The following ALPL variants were observed in gnomAD, a reference collection of about 807,000 sequenced individuals.
ALPL encodes alkaline phosphatase, tissue-nonspecific isozyme.
A neutral mutation model predicts 51.3 loss-of-function variants in ALPL; 42 were observed. The ratio of observed to expected loss-of-function variants is 0.82; its 90% confidence interval spans 0.64 to 1.06. The LOEUF is 1.06. ALPL is among the 50% of genes least tolerant of loss of function. The probability of loss-of-function intolerance (pLI) is 0.00; values close to 1 mark genes in which losing one functional copy is unlikely to be tolerated. For missense variants in ALPL, 589 were observed against 709.4 expected, an observed-to-expected ratio of 0.83 and a Z score of 1.93; for synonymous variants, 279 against 296.4, an observed-to-expected ratio of 0.94 and a Z score of 0.60.
At chr1:21,537,045 C>T (rs1200051263) in intron 1 of ALPL, among the ~76,000 whole-genome samples, 11 of 152,008 alleles carry the variant, frequency 7.2e-5, no homozygotes, top group Middle Eastern at 3.4e-3. Flanking sequence ...TATTGGCGCC[C>T]GCCACCACGC....
chr1:21,564,102 C>T lies in ALPL; in HGVS notation c.534C>T (p.Tyr178=), dbSNP rs201250289. 2.4e-4 allele frequency: 382 copies of T among 1,614,080 alleles called. 2 individuals carry two copies. In the East Asian group the frequency reaches 5.8e-3, roughly 25 times the overall value. The change falls in exon 6 of 12, where the codon TAC becomes TAT. Residue 178 remains tyrosine (Y), a synonymous_variant. Coordinates refer to ENST00000374840, the MANE Select transcript of ALPL (RefSeq NM_000478.6). This position sits in a 1 kb window ranked among gnomAD's most constrained non-coding sequence, Gnocchi z 5.8. ...RVNHATPSAA[Y]AHSADRDWYS... ...ACCATGCCACCCCCAGCGCCGCCTACGCCCACTCGGCTGACCGGGACTGGT... is the reference window on the plus strand; with the variant it reads ...ACCATGCCACCCCCAGCGCCGCCTATGCCCACTCGGCTGACCGGGACTGGT...
chr1:21,549,114 G>A (rs758384378), intron 1 of ALPL, among the ~76,000 whole-genome samples: 13 of 152,170 alleles, frequency 8.5e-5, no homozygotes, highest in Non-Finnish European at 1.3e-4. Context: ...GAGTATGATG[G>A]TTTCTGCAGG....
chr1:21,569,388 G>A (rs138090800), intron 7 of ALPL, among the ~76,000 whole-genome samples: 32 of 152,328 alleles, frequency 2.1e-4, no homozygotes, highest in African/African-American at 6.7e-4. Flanking sequence ...ATCAGGTCCC[G>A]TGTAGGCCCC....
At chr1:21,543,517 G>A (rs1299875728) in intron 1 of ALPL, among the ~76,000 whole-genome samples, 1 of 152,040 alleles carries the variant, frequency 6.6e-6, no homozygotes, top group Non-Finnish European at 1.5e-5. Context: ...AACCTGGGAG[G>A]TGGAGGTTGC....
intron 1 of ALPL, among the ~76,000 whole-genome samples, chr1:21,544,729 A>C (rs545876251): frequency 1.2e-4 from 18 of 152,192 alleles, no homozygotes; most frequent in Non-Finnish European, 2.4e-4. Context: ...CTGGGCGACA[A>C]AGTGAAACTG....
intron 8 of ALPL, among the ~76,000 whole-genome samples, chr1:21,571,712 A>G (rs12741655): frequency 0.37 from 55,493 of 149,972 alleles, 10,163 homozygotes; most frequent in South Asian, 0.46. Context: ...AACTTAGGCC[A>G]GGTGCAATGG....
intron 1 of ALPL, among the ~76,000 whole-genome samples, chr1:21,519,866 C>T (rs780609994): frequency 6.6e-5 from 10 of 152,128 alleles, no homozygotes; most frequent in Non-Finnish European, 1.3e-4. Context: ...AGCGAATAAA[C>T]GGTAAACCCT....
chr1:21,556,861 C>G (rs1249233394), intron 2 of ALPL, among the ~76,000 whole-genome samples: 1 of 152,128 alleles, frequency 6.6e-6, no homozygotes. Flanking sequence ...ATCACTTGAA[C>G]CCAGGAGGCG....
At chr1:21,566,583 G>A (rs1033205358) in intron 6 of ALPL, among the ~76,000 whole-genome samples, 2 of 151,708 alleles carry the variant, frequency 1.3e-5, no homozygotes, top group Admixed American at 6.6e-5. Flanking sequence ...GAGCCATCGC[G>A]CCCGGCCTAT....
chr1:21,569,813 G>A (rs572569214), intron 7 of ALPL, among the ~76,000 whole-genome samples: 77 of 152,260 alleles, frequency 5.1e-4, no homozygotes, highest in African/African-American at 1.6e-3. Flanking sequence ...AAACAGCCAC[G>A]CCTTTATCTC....
intron 1 of ALPL, among the ~76,000 whole-genome samples, chr1:21,538,204 G>C (rs1041915244): frequency 1.1e-4 from 17 of 152,184 alleles, no homozygotes; most frequent in African/African-American, 3.9e-4. Flanking sequence ...CGGGTGAGGT[G>C]GTGTGCCCAA....
At chr1:21,535,510 C>T (rs1393491731) in intron 1 of ALPL, among the ~76,000 whole-genome samples, 1 of 151,926 alleles carries the variant, frequency 6.6e-6, no homozygotes, top group Non-Finnish European at 1.5e-5. Flanking sequence ...TACTTGGTCT[C>T]TTGCTGAGGC....
chr1:21,569,562 C>A (rs956499276), intron 7 of ALPL, among the ~76,000 whole-genome samples: 1 of 145,206 alleles, frequency 6.9e-6, no homozygotes, highest in Non-Finnish European at 1.5e-5. Context: ...CTCCAGGAAG[C>A]AGGGGCTGGG....
At chr1:21,554,516 G>C (rs1161305720) in intron 2 of ALPL, among the ~76,000 whole-genome samples, 3 of 145,450 alleles carry the variant, frequency 2.1e-5, no homozygotes, top group Non-Finnish European at 4.5e-5. Flanking sequence ...TTTGAGACAG[G>C]GTTTCGCTCT....
intron 1 of ALPL, among the ~76,000 whole-genome samples, chr1:21,546,283 TG>T (rs1219496890): frequency 6.6e-6 from 1 of 152,166 alleles, no homozygotes; most frequent in Non-Finnish European, 1.5e-5. Flanking sequence ...GTGGCCTTTC[TG>T]GGGTCAAGAA....
chr1:21,561,898 C>T (rs575103633), intron 4 of ALPL, among the ~76,000 whole-genome samples: 121 of 152,074 alleles, frequency 8.0e-4, no homozygotes, highest in African/African-American at 2.7e-3. Flanking sequence ...AACTCCTGAC[C>T]CCAGGTGATC....
intron 6 of ALPL, among the ~76,000 whole-genome samples, chr1:21,565,664 G>A (rs1644553489): frequency 6.6e-6 from 1 of 152,040 alleles, no homozygotes; most frequent in Non-Finnish European, 1.5e-5. Flanking sequence ...CAGGGAGTGA[G>A]TGAGGACGGA....
intron 8 of ALPL, 80 bp from the exon 9 acceptor site, chr1:21,573,585 G>C: frequency 6.4e-7 from 1 of 1,570,094 alleles, no homozygotes; most frequent in Non-Finnish European, 8.7e-7. Flanking sequence ...TGCATTCCCT[G>C]AGACACCCCA....
intron 1 of ALPL, among the ~76,000 whole-genome samples, chr1:21,542,842 A>G (rs148206131): frequency 7.6e-4 from 116 of 151,718 alleles, no homozygotes; most frequent in African/African-American, 2.7e-3. Context: ...CATCCCCCCA[A>G]TCCCCCCACC....
Sources: allele counts gnomAD v4.1 joint callset (sites outside exome capture counted in the v4.1 genomes callset), GRCh38; gene constraint gnomAD v4.1.1; non-coding constraint Gnocchi (gnomAD v3.1); transcripts MANE v1.5; gene names NCBI Gene and HGNC (gene_info 2026-07-23, HGNC 2026-07-21).